The following DENND4C variants were observed in gnomAD, a reference collection of about 807,000 sequenced individuals.
DENND4C encodes the protein DENN domain-containing protein 4C.
DENND4C carries 108 observed loss-of-function variants against 203.0 expected under a neutral mutation model. The ratio of observed to expected loss-of-function variants is 0.53; its 90% CI spans 0.46 to 0.62. The LOEUF is 0.62. DENND4C is among the 20% of genes least tolerant of loss of function. DENND4C has a pLI of 0.00. For synonymous variants in DENND4C, 871 were observed against 792.4 expected, an observed-to-expected ratio of 1.10 and a Z score of -1.67; for missense variants, 2,481 against 2,301.2, an observed-to-expected ratio of 1.08 and a Z score of -1.60.
rs535345384 is a variant in DENND4C, at chr9:19,231,962, T to A, written c.-18+1129T>A. ...GCTAAGTTCTGGATAAATACTTGATTTGATGTGATAGTGTGTATTACTCTA... is the reference window on the plus strand; with the variant it reads ...GCTAAGTTCTGGATAAATACTTGATATGATGTGATAGTGTGTATTACTCTA... On this transcript the variant is annotated intron_variant, in intron 1 of 32. Coordinates refer to ENST00000434457, the MANE Select transcript of DENND4C (RefSeq NM_001330640.2). 2.6e-5 allele frequency among the ~76,000 whole-genome samples: 4 copies of A among 152,266 alleles called. No homozygotes were observed. In the South Asian group the frequency reaches 8.3e-4, roughly 32 times the overall value.
intron 17 of DENND4C, among the ~76,000 whole-genome samples, chr9:19,333,883 T>A (rs1044663702): frequency 1.3e-5 from 2 of 152,212 alleles, no homozygotes; most frequent in Non-Finnish European, 1.5e-5. Flanking sequence ...TTGCTAATAA[T>A]GTTACAGTAT....
At chr9:19,310,054 A>G (rs961066718) in intron 10 of DENND4C, among the ~76,000 whole-genome samples, 3 of 152,158 alleles carry the variant, frequency 2.0e-5, no homozygotes, top group Non-Finnish European at 4.4e-5. Flanking sequence ...TTTTATTGCT[A>G]CTGTAGATGG....
intron 30 of DENND4C, among the ~76,000 whole-genome samples, chr9:19,365,810 A>G (rs1384506638): frequency 6.6e-6 from 1 of 151,956 alleles, no homozygotes; most frequent in Non-Finnish European, 1.5e-5. Context: ...AAACTAAGAA[A>G]ACAATTTTAT....
At chr9:19,295,301 C>G (rs1389465466) in intron 5 of DENND4C, among the ~76,000 whole-genome samples, 1 of 151,722 alleles carries the variant, frequency 6.6e-6, no homozygotes, top group Non-Finnish European at 1.5e-5. Context: ...GTCAGGAGAT[C>G]GAGACCATCC....
chr9:19,298,005 G>T (rs1320102057), intron 6 of DENND4C, 51 bp from the exon 7 acceptor site: 1 of 1,374,598 alleles, frequency 7.3e-7, no homozygotes, highest in South Asian at 1.3e-5. Context: ...TAAAAACTGT[G>T]ATGCATTTAG....
intron 2 of DENND4C, among the ~76,000 whole-genome samples, chr9:19,277,867 G>A (rs1833198739): frequency 2.6e-5 from 4 of 152,000 alleles, no homozygotes; most frequent in Admixed American, 2.6e-4. Context: ...TATCAGGAAA[G>A]TGTGTTAAAT....
At chr9:19,246,511 T>C (rs2131544271) in intron 1 of DENND4C, among the ~76,000 whole-genome samples, 1 of 152,306 alleles carries the variant, frequency 6.6e-6, no homozygotes, top group South Asian at 2.1e-4. Context: ...CCCAAAGTGT[T>C]GGGATTGCAG....
intron 25 of DENND4C, 51 bp downstream of exon 25, chr9:19,352,233 A>G (rs770711800): frequency 1.3e-6 from 2 of 1,509,176 alleles, no homozygotes; most frequent in Admixed American, 1.7e-5. Flanking sequence ...GCATATTTTT[A>G]TTTCAGAATG....
chr9:19,259,738 C>T lies in DENND4C; in HGVS notation c.-17-16420C>T, dbSNP rs191867955. On this transcript the variant is annotated intron_variant, in intron 1 of 32. Transcript: ENST00000434457. ...CAGGCTGGTCTCAAACTCCTGACCT[C>T]AGGTGATCCGCCCGCCTCGGCCTCC... Among the ~76,000 whole-genome samples the T allele has an allele frequency of 2.5e-3, 387 of 152,164 alleles. 1 individual carries two copies. The highest frequency in any genetic ancestry group is 9.1e-3 in the African/African-American group (380 of 41,532).
intron 1 of DENND4C, among the ~76,000 whole-genome samples, chr9:19,255,963 A>G (rs1374201411): frequency 1.3e-5 from 2 of 152,092 alleles, no homozygotes; most frequent in African/African-American, 4.8e-5. Flanking sequence ...CAGGCTGAGC[A>G]TGGTGTCTTA....
Position 19,372,297 on chromosome 9 carries a change from C to A in DENND4C, c.*124C>A. The A allele has an allele frequency of 1.7e-6, 2 of 1,167,904 alleles. No homozygotes were observed. The highest frequency in any genetic ancestry group is 1.2e-6 in the Non-Finnish European group (1 of 831,830). 72.3% of individuals were successfully genotyped at this position (1,167,904 alleles called of 1,614,324 possible). A position where few individuals can be genotyped will look rare whatever the true frequency, so the allele number is the denominator to read the frequency against. On this transcript the variant is annotated 3_prime_UTR_variant, in exon 33 of 33. Coordinates refer to ENST00000434457, the MANE Select transcript of DENND4C (RefSeq NM_001330640.2). ...ACGGAATTGAAGTAACTCTTGGGGACAATATATAATGAATTATGATTCATA... is the reference window on the plus strand; with the variant it reads ...ACGGAATTGAAGTAACTCTTGGGGAAAATATATAATGAATTATGATTCATA...
At position 19,299,285 on chromosome 9, in the gene DENND4C, A is replaced by G. The variant is rs776875085; in HGVS notation, c.1164A>G (p.Leu388=). Residue 388 remains leucine (L), a splice_region_variant and synonymous_variant, in exon 8 of 33, where the codon CTA becomes CTG. Transcript: ENST00000434457. The stretch of plus-strand genomic sequence containing the variant: ...AGCCAGTTTCTACACCTTTACCACT[A>G]AGGTAATTACTGGTATTTAAAATGA... ...LSQPVSTPLP[L]SGANFSTLLM... 22 of 1,570,110 alleles carry G rather than the reference A, an allele frequency of 1.4e-5. No homozygotes were observed. The highest frequency in any genetic ancestry group is 1.8e-5 in the Non-Finnish European group (21 of 1,157,868).
chr9:19,255,226 G>A (rs1827651446), intron 1 of DENND4C, among the ~76,000 whole-genome samples: 1 of 151,996 alleles, frequency 6.6e-6, no homozygotes. Flanking sequence ...AGCATAGAGA[G>A]ACCCTGATCT....
chr9:19,260,940 C>T (rs1279629286), intron 1 of DENND4C, among the ~76,000 whole-genome samples: 1 of 152,136 alleles, frequency 6.6e-6, no homozygotes, highest in Non-Finnish European at 1.5e-5. Context: ...GATCTTTCCC[C>T]AGACCAGTGT....
intron 23 of DENND4C, among the ~76,000 whole-genome samples, chr9:19,348,249 G>C (rs1823338125): frequency 6.6e-6 from 1 of 152,152 alleles, no homozygotes; most frequent in Non-Finnish European, 1.5e-5. Flanking sequence ...TTCTCAAGAT[G>C]ATACAACTAG....
At position 19,316,508 on chromosome 9, in the gene DENND4C, C is replaced by G; in HGVS notation, c.1579C>G (p.Leu527Val). The change falls in exon 11 of 33, where the codon CTG becomes GTG. Residue 527 changes from leucine (L) to valine (V), a missense_variant. Transcript: ENST00000434457. ...LSTLKKLYPQLSSVHQKTQEG... is the reference protein window; with the variant it reads ...LSTLKKLYPQVSSVHQKTQEG... ...CACCTTAAAGAAATTGTATCCCCAGCTGTCTTCAGGTAATGTGAGGGAAAA... is the reference window on the plus strand; with the variant it reads ...CACCTTAAAGAAATTGTATCCCCAGGTGTCTTCAGGTAATGTGAGGGAAAA... The G allele has an allele frequency of 6.2e-7, 1 of 1,612,978 alleles. No homozygotes were observed. Among genetic ancestry groups the G allele is most frequent in the East Asian group, 2.2e-5 (1 of 44,848 alleles).
intron 19 of DENND4C, 84 bp from the exon 20 acceptor site, chr9:19,336,602 A>G (rs1372026169): frequency 8.2e-6 from 12 of 1,459,570 alleles, no homozygotes; most frequent in Admixed American, 2.7e-5. Context: ...TTCTGCAACT[A>G]TAAATGAACT....
At chr9:19,234,536 T>G (rs891038053) in intron 1 of DENND4C, among the ~76,000 whole-genome samples, 2 of 148,650 alleles carry the variant, frequency 1.3e-5, no homozygotes, top group African/African-American at 2.5e-5. Context: ...GGCTGTTTTT[T>G]TTTTTTTTTT....
At chr9:19,360,950 T>C (rs904491539) in intron 29 of DENND4C, among the ~76,000 whole-genome samples, 3 of 152,186 alleles carry the variant, frequency 2.0e-5, no homozygotes, top group Non-Finnish European at 2.9e-5. Flanking sequence ...CTCGGCTCAT[T>C]GCAGCCTCCT....
Sources: allele counts gnomAD v4.1 joint callset (sites outside exome capture counted in the v4.1 genomes callset), GRCh38; gene constraint gnomAD v4.1.1; transcripts MANE v1.5; gene names NCBI Gene and HGNC (gene_info 2026-07-23, HGNC 2026-07-21).